The following RBFOX1 variants were observed in gnomAD, a reference collection of about 807,000 sequenced individuals.
RBFOX1 encodes RNA binding fox-1 homolog 1.
RBFOX1 carries 8 observed loss-of-function variants against 57.7 expected under a neutral mutation model. The observed-to-expected ratio is 0.14, with a 90% CI of 0.08 to 0.25. The LOEUF (loss-of-function observed/expected upper bound fraction) is 0.25, where lower values mean the gene tolerates loss of function less well. Among genes scored for constraint, RBFOX1 ranks in the 10% least tolerant of loss-of-function variants. RBFOX1 has a pLI of 1.00. For missense variants in RBFOX1, 611 were observed against 548.5 expected, an observed-to-expected ratio of 1.11 and a Z score of -1.14; for synonymous variants, 326 against 222.4, an observed-to-expected ratio of 1.47 and a Z score of -4.15.
intron 3 of RBFOX1, among the ~76,000 whole-genome samples, chr16:5,699,127 A>G (rs967661587): frequency 6.6e-6 from 1 of 151,620 alleles, no homozygotes; most frequent in African/African-American, 2.4e-5. Context: ...AGCTGGGTCT[A>G]TAGGTGCATG....
At chr16:5,795,939 A>G (rs1291934057) in intron 3 of RBFOX1, among the ~76,000 whole-genome samples, 1 of 152,206 alleles carries the variant, frequency 6.6e-6, no homozygotes, top group Non-Finnish European at 1.5e-5. Context: ...AACACTCACC[A>G]GTTGCATCAA....
At chr16:5,387,142 G>A (rs1207145221) in intron 1 of RBFOX1, among the ~76,000 whole-genome samples, 3 of 152,142 alleles carry the variant, frequency 2.0e-5, no homozygotes, top group Non-Finnish European at 4.4e-5. Context: ...CTCAAATCTT[G>A]GGGTGTAAGG....
chr16:6,823,735 G>A (rs1242740886), intron 3 of RBFOX1, among the ~76,000 whole-genome samples: 3 of 151,976 alleles, frequency 2.0e-5, no homozygotes, highest in Non-Finnish European at 4.4e-5. Context: ...ACCACCAATT[G>A]AAATTTTGAA....
intron 1 of RBFOX1, among the ~76,000 whole-genome samples, chr16:6,117,496 A>G (rs144278680): frequency 2.0e-4 from 31 of 152,376 alleles, no homozygotes; most frequent in Admixed American, 4.6e-4. Context: ...TTCAGATGCC[A>G]TTAGGCCAGA....
chr16:5,763,865 C>G (rs750406590), intron 3 of RBFOX1, among the ~76,000 whole-genome samples: 10 of 152,174 alleles, frequency 6.6e-5, no homozygotes, highest in Non-Finnish European at 1.2e-4. Flanking sequence ...AGTAGCAACT[C>G]CTTCTTTTGG....
At chr16:5,780,752 C>T (rs7187434) in intron 3 of RBFOX1, among the ~76,000 whole-genome samples, 46,533 of 152,066 alleles carry the variant, frequency 0.31, 7,555 homozygotes, top group East Asian at 0.55. Context: ...ACAAGATGTA[C>T]AGGCAGCTCC....
At chr16:6,044,798 G>A (rs112829058) in intron 1 of RBFOX1, among the ~76,000 whole-genome samples, 5 of 152,296 alleles carry the variant, frequency 3.3e-5, no homozygotes, top group African/African-American at 1.2e-4. Flanking sequence ...CTGCCTGTCT[G>A]GGACACAGCC....
At chr16:7,501,988 T>A (rs1005384106) in intron 4 of RBFOX1, among the ~76,000 whole-genome samples, 1 of 152,216 alleles carries the variant, frequency 6.6e-6, no homozygotes, top group Non-Finnish European at 1.5e-5. Flanking sequence ...AACAATTGCG[T>A]GAGTATCATG....
At chr16:5,549,261 C>T (rs74334670) in intron 2 of RBFOX1, among the ~76,000 whole-genome samples, 2,595 of 152,250 alleles carry the variant, frequency 0.017, 40 homozygotes, top group Middle Eastern at 0.071. Context: ...TCCTTCTGGT[C>T]TGCAGATACT....
rs1160796706 is a variant in RBFOX1, at chr16:6,921,793, C to A, written c.-15-130264C>A. Reference sequence around the variant, plus strand: ...AAGATGTATGTTGTATATGCACACACACATGAACATAATCACCATGTAACT... The same window carrying A: ...AAGATGTATGTTGTATATGCACACAAACATGAACATAATCACCATGTAACT... On this transcript the variant is annotated intron_variant, in intron 3 of 15. Transcript: ENST00000550418. Among the ~76,000 whole-genome samples the A allele has an allele frequency of 2.0e-5, 3 of 151,886 alleles. 1 individual carries two copies. The highest frequency in any genetic ancestry group is 2.0e-4 in the Admixed American group (3 of 15,236).
At chr16:6,796,507 C>T (rs2084085808) in intron 3 of RBFOX1, among the ~76,000 whole-genome samples, 1 of 152,162 alleles carries the variant, frequency 6.6e-6, no homozygotes, top group African/African-American at 2.4e-5. Context: ...ATAACTCTTT[C>T]ATCCACTGTA....
intron 1 of RBFOX1, among the ~76,000 whole-genome samples, chr16:6,229,045 G>C (rs2097438159): frequency 6.6e-6 from 1 of 152,046 alleles, no homozygotes; most frequent in South Asian, 2.1e-4. Context: ...ACAGTGGGTG[G>C]ATGAGACACA....
At chr16:7,426,132 C>G (rs543183782) in intron 4 of RBFOX1, among the ~76,000 whole-genome samples, 344 of 152,326 alleles carry the variant, frequency 2.3e-3, no homozygotes, top group African/African-American at 7.8e-3. Flanking sequence ...CGTGCAGGCT[C>G]TTGGCCCACC....
At chr16:6,885,540 T>A (rs1467611919) in intron 3 of RBFOX1, among the ~76,000 whole-genome samples, 2 of 134,628 alleles carry the variant, frequency 1.5e-5, no homozygotes, top group African/African-American at 5.6e-5. Flanking sequence ...TTATTTTTTT[T>A]ATTTTTTTTG....
chr16:6,501,024 GGGTA>G (rs1173088993), intron 2 of RBFOX1, among the ~76,000 whole-genome samples: 1 of 151,698 alleles, frequency 6.6e-6, no homozygotes, highest in African/African-American at 2.4e-5. Context: ...TACTTCAGCA[GGGTA>G]GGATGGTCTC....
chr16:6,392,910 T>G (rs1024782068), intron 2 of RBFOX1, among the ~76,000 whole-genome samples: 19 of 152,222 alleles, frequency 1.2e-4, no homozygotes, highest in Non-Finnish European at 2.4e-4. Context: ...GGATAAACCA[T>G]ATGACCCACC....
At chr16:7,035,465 A>G (rs777433338) in intron 3 of RBFOX1, among the ~76,000 whole-genome samples, 57 of 152,248 alleles carry the variant, frequency 3.7e-4, no homozygotes, top group Non-Finnish European at 6.8e-4. Context: ...TTAAGTACAG[A>G]TAAGACTTCC....
At chr16:6,472,577 T>G (rs1409670287) in intron 2 of RBFOX1, among the ~76,000 whole-genome samples, 2 of 152,044 alleles carry the variant, frequency 1.3e-5, no homozygotes, top group African/African-American at 4.8e-5. Flanking sequence ...CTGATGACAT[T>G]TTATTCTCTT....
At chr16:7,420,989 T>G (rs1236013760) in intron 4 of RBFOX1, among the ~76,000 whole-genome samples, 1 of 151,128 alleles carries the variant, frequency 6.6e-6, no homozygotes, top group Non-Finnish European at 1.5e-5. Context: ...TCCTGCGCTT[T>G]CCTGAGGCTG....
Sources: gnomAD v4.1 joint callset for allele counts (sites outside exome capture counted in the v4.1 genomes callset) on GRCh38, gnomAD v4.1.1 for gene constraint, MANE v1.5 for transcripts, NCBI Gene and HGNC (gene_info 2026-07-23, HGNC 2026-07-21) for gene names.